Variants in SPRED2 observed in about 807,000 individuals in gnomAD.
The protein encoded by SPRED2 is sprouty related EVH1 domain containing 2, also known as sprouty-related, EVH1 domain-containing protein 2.
A neutral mutation model predicts 43.0 loss-of-function variants in SPRED2; 47 were observed. The ratio of observed to expected loss-of-function variants is 1.09; its 90% CI spans 0.87 to 1.40. The LOEUF (loss-of-function observed/expected upper bound fraction) is 1.40, where lower values mean the gene tolerates loss of function less well. Ranked by LOEUF, SPRED2 falls within the 40% of genes most tolerant of loss-of-function variation. The pLI is 0.00. For missense variants in SPRED2, 561 were observed against 586.4 expected (o/e 0.96, Z 0.45); for synonymous variants, 225 against 225.7 (o/e 1.00, Z 0.03).
Position 65,313,508 on chromosome 2 carries a change from G to A in SPRED2, c.1250C>T (p.Ala417Val), listed in dbSNP as rs149004281. 2 of 1,601,368 alleles carry A rather than the reference G, an allele frequency of 1.2e-6. No homozygotes were observed. Among genetic ancestry groups the A allele is most frequent in the East Asian group, 2.2e-5 (1 of 44,792 alleles). ...CRCCGGKHKA[A>V]A ...GAAGGGAGGGAAACTGAGTCACGCG[G>A]CCGCTTTGTGCTTCCCGCCACAGCA... The change falls in exon 6 of 6, where the codon GCC becomes GTC. Residue 417 changes from alanine to valine, a missense_variant. Around this residue, in one of 6 missense-constraint regions of SPRED2, gnomAD observed 10 missense variants for 26.0 expected, o/e 0.38. Coordinates refer to ENST00000356388, the MANE Select transcript of SPRED2 (RefSeq NM_181784.3).
chr2:65,349,239 G>A (rs1173338406), intron 1 of SPRED2, among the ~76,000 whole-genome samples: 2 of 147,698 alleles, frequency 1.4e-5, no homozygotes, highest in African/African-American at 4.9e-5. Context: ...AACCCAGGAG[G>A]TGGAGGTTGC....
chr2:65,319,334 G>C (rs1673341638), intron 4 of SPRED2, among the ~76,000 whole-genome samples: 1 of 152,186 alleles, frequency 6.6e-6, no homozygotes, highest in Non-Finnish European at 1.5e-5. Context: ...AGAGCGGTCA[G>C]AAAAGCAGCT....
chr2:65,395,910 CT>C (rs536508160), intron 1 of SPRED2, among the ~76,000 whole-genome samples: 2 of 152,206 alleles, frequency 1.3e-5, no homozygotes, highest in South Asian at 4.2e-4. Flanking sequence ...CCTCAAGTCA[CT>C]TTTTTTTCCT....
intron 1 of SPRED2, among the ~76,000 whole-genome samples, chr2:65,410,707 C>T (rs1006311883): frequency 1.3e-5 from 2 of 149,694 alleles, no homozygotes; most frequent in East Asian, 2.0e-4. Flanking sequence ...TGCAGTGAGC[C>T]GAGATGGCGC....
chr2:65,331,870 C>T, intron 4 of SPRED2, 117 bp downstream of exon 4: 1 of 737,854 alleles, frequency 1.4e-6, no homozygotes, highest in Non-Finnish European at 2.3e-6. Context: ...CGCTCTGATG[C>T]CATCCAAACA....
chr2:65,413,441 G>C (rs1676206613), intron 1 of SPRED2, among the ~76,000 whole-genome samples: 2 of 152,318 alleles, frequency 1.3e-5, no homozygotes, highest in South Asian at 4.1e-4. Context: ...TCTGTCCACT[G>C]ATCAGGAAAC....
At chr2:65,407,224 T>C (rs1676045504) in intron 1 of SPRED2, among the ~76,000 whole-genome samples, 1 of 141,374 alleles carries the variant, frequency 7.1e-6, no homozygotes, top group South Asian at 2.3e-4. Context: ...ATAGTCTCTT[T>C]CTCAAATGGG....
chr2:65,324,951 A>T (rs1382915101), intron 4 of SPRED2, among the ~76,000 whole-genome samples: 3 of 152,200 alleles, frequency 2.0e-5, no homozygotes, highest in Non-Finnish European at 4.4e-5. Flanking sequence ...GTAGGGGCAG[A>T]GGACAAGGAG....
At chr2:65,423,427 A>G (rs1416517561) in intron 1 of SPRED2, among the ~76,000 whole-genome samples, 1 of 152,244 alleles carries the variant, frequency 6.6e-6, no homozygotes, top group Non-Finnish European at 1.5e-5. Context: ...AAAGGGGCCA[A>G]TGGTCAGCTG....
intron 4 of SPRED2, among the ~76,000 whole-genome samples, chr2:65,318,800 C>G (rs1673321773): frequency 6.6e-6 from 1 of 152,098 alleles, no homozygotes; most frequent in African/African-American, 2.4e-5. Context: ...GTGTGCACCA[C>G]CACCCCTGGC....
intron 1 of SPRED2, among the ~76,000 whole-genome samples, chr2:65,384,170 TCCA>T (rs1420743132): frequency 9.2e-5 from 14 of 151,764 alleles, no homozygotes; most frequent in Non-Finnish European, 2.1e-4. Context: ...CCGGCCTATC[TCCA>T]CCAGGTGTGG....
rs1313201760 is a variant in SPRED2, at chr2:65,371,611, G to A, written c.27-26715C>T. ...ACAAATCTTACTTGAAGCTAAGTCA[G>A]TTTTCAGCTATGTTTCTTAAAGTGT... On this transcript the variant is annotated intron_variant, in intron 1 of 5. Transcript: ENST00000356388. Among the ~76,000 whole-genome samples, 2 of 152,146 alleles carry A rather than the reference G, an allele frequency of 1.3e-5. 1 individual carries two copies. Among genetic ancestry groups the A allele is most frequent in the African/African-American group, 4.8e-5 (2 of 41,418 alleles).
At chr2:65,371,336 C>T (rs540563393) in intron 1 of SPRED2, among the ~76,000 whole-genome samples, 5 of 152,246 alleles carry the variant, frequency 3.3e-5, no homozygotes, top group African/African-American at 1.2e-4. Flanking sequence ...CAGTTATGTT[C>T]TCTTGAAAAA....
intron 4 of SPRED2, among the ~76,000 whole-genome samples, chr2:65,323,286 C>A (rs202153582): frequency 6.6e-6 from 1 of 152,176 alleles, no homozygotes; most frequent in East Asian, 1.9e-4. Flanking sequence ...TGAGCCACTG[C>A]ACCTGGCCCA....
intron 1 of SPRED2, among the ~76,000 whole-genome samples, chr2:65,407,023 G>A (rs184752772): frequency 1.2e-3 from 186 of 152,014 alleles, no homozygotes; most frequent in Non-Finnish European, 2.2e-3. Flanking sequence ...CCACCTCCTG[G>A]GTTCACGCCA....
At chr2:65,423,996 T>C (rs1484304834) in intron 1 of SPRED2, among the ~76,000 whole-genome samples, 1 of 152,156 alleles carries the variant, frequency 6.6e-6, no homozygotes, top group Non-Finnish European at 1.5e-5. Context: ...TCCATCTTGG[T>C]TGGGCTGGTC....
At chr2:65,369,629 T>C (rs1430932453) in intron 1 of SPRED2, among the ~76,000 whole-genome samples, 5 of 38,834 alleles carry the variant, frequency 1.3e-4, no homozygotes, top group Non-Finnish European at 1.6e-4. Context: ...AACTTAATTA[T>C]GCAATTTCTA....
chr2:65,430,202 C>A (rs1312550610), intron 1 of SPRED2, among the ~76,000 whole-genome samples: 4 of 152,226 alleles, frequency 2.6e-5, no homozygotes, highest in Non-Finnish European at 5.9e-5. Flanking sequence ...TGTATTTCAG[C>A]CCTAAAAGCG....
intron 2 of SPRED2, among the ~76,000 whole-genome samples, chr2:65,338,131 A>G (rs1204554325): frequency 6.6e-6 from 1 of 151,436 alleles, no homozygotes; most frequent in Non-Finnish European, 1.5e-5. Context: ...ATCTATTGAA[A>G]GTGAAAGAGT....
Sources: allele counts gnomAD v4.1 joint callset (sites outside exome capture counted in the v4.1 genomes callset), GRCh38; gene constraint gnomAD v4.1.1; regional missense constraint gnomAD v4.1.1; transcripts MANE v1.5; gene names NCBI Gene and HGNC (gene_info 2026-07-23, HGNC 2026-07-21).